TOR1B: variants seen among roughly 807,000 people sequenced by gnomAD.
TOR1B encodes torsin-1B.
In TOR1B, 14 loss-of-function variants were observed where a neutral mutation model predicts 29.2. The observed-to-expected ratio is 0.48, with a 90% CI of 0.32 to 0.75. The LOEUF is 0.75. TOR1B is among the 30% of genes least tolerant of loss of function. The pLI, the probability that TOR1B is intolerant of heterozygous loss-of-function variation, is 0.04. For missense variants in TOR1B, 400 were observed against 433.9 expected (o/e 0.92, Z 0.69); for synonymous variants, 166 against 179.8 (o/e 0.92, Z 0.62).
At chr9:129,804,914 G>A (rs11788134) in intron 2 of TOR1B, among the ~76,000 whole-genome samples, 21,451 of 149,818 alleles carry the variant, frequency 0.14, 1,919 homozygotes, top group Non-Finnish European at 0.19. Flanking sequence ...CGAGGGGGGC[G>A]GATCACGAGG....
At chr9:129,808,760 C>T (rs763390689) in intron 3 of TOR1B, 145 bp from the exon 4 acceptor site, 2 of 890,458 alleles carry the variant, frequency 2.2e-6, no homozygotes, top group Non-Finnish European at 3.4e-6. Flanking sequence ...CTATGTTGGT[C>T]AGGCTGGCCT....
chr9:129,803,723 C>T (rs1464632234), intron 1 of TOR1B, among the ~76,000 whole-genome samples: 7 of 152,232 alleles, frequency 4.6e-5, no homozygotes. Flanking sequence ...CCCTGCCAAC[C>T]CTATTAAGTA....
chr9:129,805,327 G>A (rs1218893707), intron 2 of TOR1B, among the ~76,000 whole-genome samples: 1 of 151,202 alleles, frequency 6.6e-6, no homozygotes, highest in Non-Finnish European at 1.5e-5. Flanking sequence ...GATGGCGTGC[G>A]CCTGTAATTC....
chr9:129,806,868 G>C (rs1055211010), intron 2 of TOR1B, among the ~76,000 whole-genome samples: 2 of 152,166 alleles, frequency 1.3e-5, no homozygotes, highest in Non-Finnish European at 2.9e-5. Flanking sequence ...CTGGGGGATA[G>C]AGTGAGACCC....
At position 129,804,202 on chromosome 9, in the gene TOR1B, G is replaced by C; in HGVS notation, c.329G>C (p.Trp110Ser). The change falls in exon 2 of 5, where the codon TGG (tryptophan) becomes TCG (serine). Residue 110 changes from tryptophan to serine, a missense_variant. Trp to Ser is a radical substitution (Grantham distance 177). Transcript: ENST00000259339. ...CCACTGACCCTTTCCTTACACGGCT[G>C]GGCTGGCACAGGCAAGAATTTTGTC... ...KKPLTLSLHGWAGTGKNFVSQ... is the reference protein window; with the variant it reads ...KKPLTLSLHGSAGTGKNFVSQ... The C allele has an allele frequency of 6.2e-7, 1 of 1,614,210 alleles. No homozygotes were observed. The highest frequency in any genetic ancestry group is 2.2e-5 in the East Asian group (1 of 44,888).
chr9:129,809,562 G>T lies in TOR1B; in HGVS notation c.990G>T (p.Gln330His). Reference sequence around the variant, plus strand: ...CAGACAAGGGCTGCAAGACTGTGCAGTCGCGGCTGGATTTCCACTGAGCTC... The same window carrying T: ...CAGACAAGGGCTGCAAGACTGTGCATTCGCGGCTGGATTTCCACTGAGCTC... ...IYSDKGCKTV[Q>H]SRLDFH Residue 330 changes from glutamine to histidine, a missense_variant, in exon 5 of 5, where the codon CAG (glutamine) becomes CAT (histidine). By Grantham distance (24) the Gln-to-His change is conservative. Transcript: ENST00000259339. 2 of 1,614,248 alleles carry T rather than the reference G, an allele frequency of 1.2e-6. No homozygotes were observed. The highest frequency in any genetic ancestry group is 1.7e-6 in the Non-Finnish European group (2 of 1,180,054).
In TOR1B at chr9:129,809,891, T is replaced by A; in HGVS notation, c.*308T>A. The stretch of plus-strand genomic sequence containing the variant: ...TGGGATATAGAATCTAAGAGTTGAT[T>A]GTGGAAAACACGTGAATCTATTGCG... On this transcript the variant is annotated 3_prime_UTR_variant, in exon 5 of 5. Transcript: ENST00000259339. 1 of 1,261,978 alleles carries A rather than the reference T, an allele frequency of 7.9e-7. No homozygotes were observed. Among genetic ancestry groups the A allele is most frequent in the Non-Finnish European group, 1.0e-6 (1 of 991,400 alleles). 78.2% of individuals were successfully genotyped at this position (1,261,978 alleles called of 1,614,324 possible).
rs765279934 is a variant in TOR1B, at chr9:129,809,620, C to T, written c.*37C>T. 1 of 1,611,320 alleles carries T rather than the reference C, an allele frequency of 6.2e-7. No homozygotes were observed. Among genetic ancestry groups the T allele is most frequent in the African/African-American group, 1.3e-5 (1 of 74,824 alleles). On this transcript the variant is annotated 3_prime_UTR_variant, in exon 5 of 5. Coordinates refer to ENST00000259339, the MANE Select transcript of TOR1B (RefSeq NM_014506.3). ...GATGGGGTAGGAGACAGCTGGGAGG[C>T]TCCGCACGCCAGAGGCCTTGCCTTT...
At position 129,809,555 on chromosome 9, in the gene TOR1B, CTG is replaced by C. The variant is rs1163513921; in HGVS notation, c.986_987del (p.Val329AlafsTer50). On this transcript the variant is annotated frameshift_variant, in exon 5 of 5. Transcript: ENST00000259339. LOFTEE classifies it high-confidence loss of function. ...ATCTACTCAGACAAGGGCTGCAAGA[CTG>C]TGCAGTCGCGGCTGGATTTCCACTG... is the stretch of plus-strand genomic sequence containing the variant. 2.5e-6 allele frequency: 4 copies of C among 1,614,212 alleles called. No individual in the cohort carries two copies. Among genetic ancestry groups the C allele is most frequent in the Admixed American group, 3.3e-5 (2 of 60,024 alleles).
rs954072532 is a variant in TOR1B, at chr9:129,803,981, G to A, written c.200-92G>A. On this transcript the variant is annotated intron_variant, in intron 1 of 4. Transcript: ENST00000259339. ...ACCCTGCTGTGTCCCTGGATAATCT[G>A]TGCTTCTTGCTTTGGCCAGCTAAGA... 6 of 1,542,022 alleles carry A rather than the reference G, an allele frequency of 3.9e-6. No homozygotes were observed. The East Asian group carries it at 1.4e-4, about 35-fold the overall frequency.
In TOR1B at chr9:129,810,127, C is replaced by T; in HGVS notation, c.*544C>T. On this transcript the variant is annotated 3_prime_UTR_variant, in exon 5 of 5. Coordinates refer to ENST00000259339, the MANE Select transcript of TOR1B (RefSeq NM_014506.3). Reference sequence around the variant, plus strand: ...ACTAAAGGAGTCCAGGGACTTGCTGCAGGCTGGGGGGCACTGGGTGGTTCT... The same window carrying T: ...ACTAAAGGAGTCCAGGGACTTGCTGTAGGCTGGGGGGCACTGGGTGGTTCT... 1 of 1,298,500 alleles carries T rather than the reference C, an allele frequency of 7.7e-7. No individual in the cohort carries two copies. Among genetic ancestry groups the T allele is most frequent in the Non-Finnish European group, 1.0e-6 (1 of 984,522 alleles). The allele number at this position is 1,298,500 out of a possible 1,614,324, so 80.4% of individuals were successfully genotyped here.
rs917162649 is a variant in TOR1B, at chr9:129,804,077, C to G, written c.204C>G (p.Leu68=). ...GTTCTGGGGCTGTTCTTGCAGCTCT[C>G]AAGCTGGATTTGGAGGAGAAGCTGT... ...REERPLNASA[L]KLDLEEKLFG... The change falls in exon 2 of 5, where the codon CTC becomes CTG. Residue 68 remains leucine, a synonymous_variant. Coordinates refer to ENST00000259339, the MANE Select transcript of TOR1B (RefSeq NM_014506.3). 3.1e-6 allele frequency: 5 copies of G among 1,613,928 alleles called. No homozygotes were observed. The highest frequency in any genetic ancestry group is 4.2e-6 in the Non-Finnish European group (5 of 1,179,958).
At position 129,810,076 on chromosome 9, in the gene TOR1B, C is replaced by G; in HGVS notation, c.*493C>G. On this transcript the variant is annotated 3_prime_UTR_variant, in exon 5 of 5. Transcript: ENST00000259339. ...CGGCAATAGCTTCTGACCCACAGCACCCGCGCCTCAGAAGCTACGGTCACA... is the reference window on the plus strand; with the variant it reads ...CGGCAATAGCTTCTGACCCACAGCAGCCGCGCCTCAGAAGCTACGGTCACA... 8.0e-7 allele frequency: 1 copy of G among 1,254,576 alleles called. No individual in the cohort carries two copies. Among genetic ancestry groups the G allele is most frequent in the Non-Finnish European group, 1.0e-6 (1 of 958,714 alleles). 77.7% of individuals were successfully genotyped at this position (1,254,576 alleles called of 1,614,324 possible). A position where few individuals can be genotyped will look rare whatever the true frequency, so the allele number is the denominator to read the frequency against.
Position 129,810,015 on chromosome 9 carries a change from A to G in TOR1B, c.*432A>G. On this transcript the variant is annotated 3_prime_UTR_variant, in exon 5 of 5. Transcript: ENST00000259339. ...CTTCACACTTAATGTACTGACCGAG[A>G]CAGAAGTACCTGAAAACAGCTGTGC... The G allele has an allele frequency of 2.5e-6, 3 of 1,200,380 alleles. No individual in the cohort carries two copies. The highest frequency in any genetic ancestry group is 3.2e-6 in the Non-Finnish European group (3 of 939,920). The allele number at this position is 1,200,380 out of a possible 1,614,324, so 74.4% of individuals were successfully genotyped here. A position where few individuals can be genotyped will look rare whatever the true frequency, so the allele number is the denominator to read the frequency against.
At chr9:129,807,668 A>C (rs2030576325) in intron 3 of TOR1B, among the ~76,000 whole-genome samples, 1 of 151,944 alleles carries the variant, frequency 6.6e-6, no homozygotes, top group Non-Finnish European at 1.5e-5. Context: ...TAACATGGTG[A>C]AACCCTGTCT....
intron 2 of TOR1B, among the ~76,000 whole-genome samples, chr9:129,806,193 AAGT>A (rs1369714799): frequency 2.6e-5 from 4 of 152,246 alleles, no homozygotes; most frequent in African/African-American, 9.6e-5. Context: ...CTGAACAAGG[AAGT>A]AGAAGTGTTT....
chr9:129,807,192 A>G lies in TOR1B; in HGVS notation c.470A>G (p.Gln157Arg), dbSNP rs745534775. 2.5e-6 allele frequency: 4 copies of G among 1,614,068 alleles called. No homozygotes were observed. In the South Asian group the frequency reaches 3.3e-5, roughly 13 times the overall value. ...HEQKIKLYQD[Q>R]LQKWIRGNVS... ...CTTCTTTCATGGTTGGTCCAGGACCAGTTACAGAAGTGGATCCGCGGTAAT... is the reference window on the plus strand; with the variant it reads ...CTTCTTTCATGGTTGGTCCAGGACCGGTTACAGAAGTGGATCCGCGGTAAT... The change falls in exon 3 of 5, where the codon CAG (glutamine) becomes CGG (arginine). Residue 157 changes from glutamine to arginine, a missense_variant. Physicochemically the swap from Gln to Arg is conservative, Grantham distance 43. Transcript: ENST00000259339.
rs1232737987 is a variant in TOR1B at position 129,807,153 on chromosome 9, T to G, written c.466-35T>G. On this transcript the variant is annotated intron_variant, in intron 2 of 4. Transcript: ENST00000259339. ...GCGCCTCTTGGTGCACCCTTTGAGC[T>G]TCGCATCCTGTTTCTTCTTTCATGG... The G allele has an allele frequency of 2.5e-6, 4 of 1,607,564 alleles. No homozygotes were observed. The South Asian group carries it at 4.4e-5, about 18-fold the overall frequency.
intron 2 of TOR1B, among the ~76,000 whole-genome samples, chr9:129,805,860 T>C (rs1330097240): frequency 6.6e-6 from 1 of 152,246 alleles, no homozygotes; most frequent in African/African-American, 2.4e-5. Context: ...ATTCATTTTA[T>C]ATTAAGTTGT....
Sources: allele counts gnomAD v4.1 joint callset (sites outside exome capture counted in the v4.1 genomes callset), GRCh38; gene constraint gnomAD v4.1.1; transcripts MANE v1.5; gene names NCBI Gene and HGNC (gene_info 2026-07-23, HGNC 2026-07-21).